Variants in LAMA2 observed in about 807,000 individuals in gnomAD.
LAMA2 encodes laminin subunit alpha-2.
Under a neutral mutation model 364.8 loss-of-function variants are expected in LAMA2, and 269 were observed. The ratio of observed to expected loss-of-function variants is 0.74; its 90% CI spans 0.67 to 0.82. The LOEUF (loss-of-function observed/expected upper bound fraction) is 0.82. Ranked by LOEUF, LAMA2 falls within the 40% of genes least tolerant of loss-of-function variation. The pLI is 0.00. For missense variants in LAMA2, 3,807 were observed against 3,873.2 expected (o/e 0.98, Z 0.45); for synonymous variants, 1,379 against 1,370.6 (o/e 1.01, Z -0.14).
intron 34 of LAMA2, among the ~76,000 whole-genome samples, chr6:129,378,905 G>A (rs973566056): frequency 1.3e-5 from 2 of 152,132 alleles, no homozygotes; most frequent in Non-Finnish European, 2.9e-5. Context: ...TTGCAAACAT[G>A]TATATAAATT....
chr6:129,439,983 G>A (rs1008508635), intron 42 of LAMA2, among the ~76,000 whole-genome samples: 1 of 151,844 alleles, frequency 6.6e-6, no homozygotes, highest in Non-Finnish European at 1.5e-5. Context: ...AGGACAACTT[G>A]TCTTCTGTGT....
intron 2 of LAMA2, among the ~76,000 whole-genome samples, chr6:129,051,465 C>T (rs1788008963): frequency 6.7e-6 from 1 of 149,490 alleles, no homozygotes; most frequent in Non-Finnish European, 1.5e-5. Flanking sequence ...GCACGTGACA[C>T]CATGCCTGGC....
chr6:129,229,444 T>C (rs182936360), intron 12 of LAMA2, among the ~76,000 whole-genome samples: 65 of 152,166 alleles, frequency 4.3e-4, no homozygotes, highest in African/African-American at 1.5e-3. Flanking sequence ...AGTTGAAGGA[T>C]ATGGGGAAGG....
rs77445562 is a variant in LAMA2, at chr6:129,097,578, C to T, written c.397-595C>T. On this transcript the variant is annotated intron_variant, in intron 3 of 64. Transcript: ENST00000421865. ...CAGGTTCAATCCGTTGTCTTCATAA[C>T]ACTGGAATTTCTCCTCCATTATTTT... is the stretch of plus-strand genomic sequence containing the variant. 1.9e-3 allele frequency among the ~76,000 whole-genome samples: 295 copies of T among 152,268 alleles called. 6 individuals carry two copies. The East Asian group carries it at 0.047, about 24-fold the overall frequency.
intron 19 of LAMA2, among the ~76,000 whole-genome samples, chr6:129,288,844 T>C (rs2114423867): frequency 6.6e-6 from 1 of 152,316 alleles, no homozygotes; most frequent in South Asian, 2.1e-4. Flanking sequence ...ATCATCAGCT[T>C]CATTTACTAT....
intron 22 of LAMA2, among the ~76,000 whole-genome samples, chr6:129,309,729 T>C (rs934509293): frequency 5.3e-5 from 8 of 152,230 alleles, no homozygotes; most frequent in African/African-American, 1.9e-4. Context: ...GGTTATTCTA[T>C]GCCTTGGAAG....
At chr6:129,251,161 T>TA (rs1344648120) in intron 13 of LAMA2, among the ~76,000 whole-genome samples, 2 of 149,096 alleles carry the variant, frequency 1.3e-5, no homozygotes, top group Non-Finnish European at 3.0e-5. Context: ...TCTCTAAATG[T>TA]AAAGTGTTGA....
chr6:129,046,579 ACAATT>A, intron 1 of LAMA2, among the ~76,000 whole-genome samples: 1 of 152,218 alleles, frequency 6.6e-6, no homozygotes, highest in East Asian at 1.9e-4. Context: ...TACAGGCGCT[ACAATT>A]CAAGATGAGA....
rs775213150 is a variant in LAMA2 at position 129,190,188 on chromosome 6, C to T, written c.1468-17C>T. ...TTGAAGGATACCTCTGTTGCTGATA[C>T]ATCTCTTTATTTGCAGGAAAATGTT... On this transcript the variant is annotated splice_polypyrimidine_tract_variant and intron_variant, in intron 10 of 64. Coordinates refer to ENST00000421865, the MANE Select transcript of LAMA2 (RefSeq NM_000426.4). 28 of 1,612,404 alleles carry T rather than the reference C, an allele frequency of 1.7e-5. No individual in the cohort carries two copies. In the East Asian group the frequency reaches 5.6e-4, roughly 32 times the overall value.
intron 3 of LAMA2, among the ~76,000 whole-genome samples, chr6:129,079,643 T>C (rs958168964): frequency 7.9e-5 from 12 of 152,128 alleles, no homozygotes; most frequent in African/African-American, 2.4e-4. Flanking sequence ...CCAGTATTTC[T>C]TGAGACAATT....
At chr6:129,294,195 G>A (rs1789922582) in intron 20 of LAMA2, among the ~76,000 whole-genome samples, 1 of 152,186 alleles carries the variant, frequency 6.6e-6, no homozygotes, top group African/African-American at 2.4e-5. Context: ...AAGCCAATGG[G>A]ATATACCCAA....
chr6:129,512,550 A>C (rs1786682241), intron 63 of LAMA2, 57 bp downstream of exon 63: 1 of 1,582,686 alleles, frequency 6.3e-7, no homozygotes, highest in Non-Finnish European at 8.7e-7. Flanking sequence ...TGATGTGTAG[A>C]TATCATCCAT....
chr6:128,956,909 C>T (rs1459057690), intron 1 of LAMA2, among the ~76,000 whole-genome samples: 1 of 151,888 alleles, frequency 6.6e-6, no homozygotes, highest in Non-Finnish European at 1.5e-5. Flanking sequence ...AAAATAAATT[C>T]CTCTCTGAGA....
At chr6:129,263,583 A>G (rs1368201244) in intron 15 of LAMA2, among the ~76,000 whole-genome samples, 1 of 152,134 alleles carries the variant, frequency 6.6e-6, no homozygotes, top group Non-Finnish European at 1.5e-5. Context: ...AAGCAAGGGG[A>G]AAAGTGGGAC....
In LAMA2 at chr6:129,427,638, T is replaced by G. The variant is rs1345080787; in HGVS notation, c.5866-114T>G. The G allele has an allele frequency of 1.7e-5, 13 of 762,690 alleles. No individual in the cohort carries two copies. In the East Asian group the frequency reaches 2.9e-4, roughly 17 times the overall value. 47.2% of individuals were successfully genotyped at this position (762,690 alleles called of 1,614,324 possible). ...TGCTAATAATTTACAATTCTATATCTGCAGCCCAGAGCTCTTTCCTAAAGG... is the reference window on the plus strand; with the variant it reads ...TGCTAATAATTTACAATTCTATATCGGCAGCCCAGAGCTCTTTCCTAAAGG... On this transcript the variant is annotated intron_variant, in intron 40 of 64. Coordinates refer to ENST00000421865, the MANE Select transcript of LAMA2 (RefSeq NM_000426.4).
chr6:128,931,175 A>G (rs1701009983), intron 1 of LAMA2, among the ~76,000 whole-genome samples: 1 of 152,248 alleles, frequency 6.6e-6, no homozygotes, highest in Admixed American at 6.5e-5. Flanking sequence ...AGGTATTCAT[A>G]AATTCTTCAA....
At chr6:129,211,953 T>C (rs1422079489) in intron 12 of LAMA2, among the ~76,000 whole-genome samples, 2 of 152,246 alleles carry the variant, frequency 1.3e-5, no homozygotes, top group African/African-American at 4.8e-5. Context: ...AATAAAGGGA[T>C]GCTTTTTGTG....
At chr6:129,158,690 A>T (rs1737559042) in intron 8 of LAMA2, 1 of 1,614,102 alleles carries the variant, frequency 6.2e-7, no homozygotes, top group African/African-American at 1.3e-5. Context: ...CAAAAAACGG[A>T]CCTATGACAA....
chr6:129,076,271 T>TTTAAAGGTGGTAAGATCAAATACATCAA (rs1773625773), intron 3 of LAMA2, among the ~76,000 whole-genome samples: 1 of 151,032 alleles, frequency 6.6e-6, no homozygotes, highest in Non-Finnish European at 1.5e-5. Context: ...GCACTTCAAA[T>TTTAAAGGTGGTAAGATCAAATACATCAA]TTAAAGGTGG....
Sources: allele counts gnomAD v4.1 joint callset (sites outside exome capture counted in the v4.1 genomes callset), GRCh38; gene constraint gnomAD v4.1.1; transcripts MANE v1.5; gene names NCBI Gene and HGNC (gene_info 2026-07-23, HGNC 2026-07-21).